Variants in SRGAP2 observed in about 807,000 individuals in gnomAD.
The protein encoded by SRGAP2 is SLIT-ROBO Rho GTPase activating protein 2, also known as SLIT-ROBO Rho GTPase-activating protein 2.
Under a neutral mutation model 57.2 loss-of-function variants are expected in SRGAP2, and 15 were observed. The ratio of observed to expected loss-of-function variants is 0.26; its 90% confidence interval spans 0.18 to 0.40. The LOEUF (loss-of-function observed/expected upper bound fraction) is 0.40, where lower values mean the gene tolerates loss of function less well. Among genes scored for constraint, SRGAP2 ranks in the 10% least tolerant of loss-of-function variants. The pLI is 1.00. For missense variants in SRGAP2, 520 were observed against 669.6 expected (o/e 0.78, Z 2.47); for synonymous variants, 249 against 248.0 (o/e 1.00, Z -0.04).
intron 3 of SRGAP2, among the ~76,000 whole-genome samples, chr1:206,325,234 C>T (rs1673789168): frequency 6.6e-6 from 1 of 152,094 alleles, no homozygotes; most frequent in Non-Finnish European, 1.5e-5. Context: ...TTTTATACTA[C>T]AAGCTGGAAT....
intron 2 of SRGAP2, among the ~76,000 whole-genome samples, chr1:206,229,931 T>TACACACACACACACACACACACACAC (rs66901207): frequency 1.2e-4 from 17 of 141,754 alleles, no homozygotes; most frequent in African/African-American, 4.5e-4. Context: ...TACACATACA[T>TACACACACACACACACACACACACAC]ACACACACAC....
intron 3 of SRGAP2, among the ~76,000 whole-genome samples, chr1:206,306,764 C>T (rs2102768239): frequency 6.6e-6 from 1 of 152,296 alleles, no homozygotes; most frequent in African/African-American, 2.4e-5. Context: ...TAAGGCCCCA[C>T]CAGAGCAGCT....
At position 206,458,681 on chromosome 1, in the gene SRGAP2, G is replaced by C. The variant is rs1553379304; in HGVS notation, c.2566G>C (p.Gly856Arg). Residue 856 changes from glycine to arginine, a missense_variant, in exon 22 of 23, where the codon GGG (glycine) becomes CGG (arginine). Around this residue, in one of 5 missense-constraint regions of SRGAP2, gnomAD observed 478 missense variants for 373.6 expected, o/e 1.28. Coordinates refer to ENST00000573034, the MANE Select transcript of SRGAP2 (RefSeq NM_015326.5). Reference sequence around the variant, plus strand: ...GAAAACTTTTCGGAGTGACAGCCATGGGCTGAGCAGTTCCCTGACTGACTC... The same window carrying C: ...GAAAACTTTTCGGAGTGACAGCCATCGGCTGAGCAGTTCCCTGACTGACTC... ...IRKTFRSDSH[G>R]LSSSLTDSSS... The C allele has an allele frequency of 1.3e-6, 1 of 778,536 alleles. No homozygotes were observed. Among genetic ancestry groups the C allele is most frequent in the Non-Finnish European group, 2.4e-6 (1 of 416,980 alleles). 48.2% of individuals were successfully genotyped at this position (778,536 alleles called of 1,614,324 possible).
At chr1:206,329,923 T>A (rs1674232287) in intron 3 of SRGAP2, among the ~76,000 whole-genome samples, 3 of 75,280 alleles carry the variant, frequency 4.0e-5, no homozygotes, top group Non-Finnish European at 5.3e-5. Flanking sequence ...GCCCATTCAG[T>A]ATGATATTGG....
At chr1:206,290,202 T>G (rs1671234271) in intron 2 of SRGAP2, among the ~76,000 whole-genome samples, 1 of 152,210 alleles carries the variant, frequency 6.6e-6, no homozygotes. Flanking sequence ...CATGACACTT[T>G]TCAGTTGTGT....
chr1:206,374,185 C>T (rs1327890290), intron 4 of SRGAP2, among the ~76,000 whole-genome samples: 1 of 151,370 alleles, frequency 6.6e-6, no homozygotes. Flanking sequence ...CCACTACGCC[C>T]GGCTAACTTT....
At chr1:206,415,033 A>C (rs1420456712) in intron 10 of SRGAP2, among the ~76,000 whole-genome samples, 1 of 152,150 alleles carries the variant, frequency 6.6e-6, no homozygotes, top group Non-Finnish European at 1.5e-5. Context: ...CCACTCACTA[A>C]CTGTTTGACC....
chr1:206,355,435 A>G (rs1168120652), intron 4 of SRGAP2, among the ~76,000 whole-genome samples: 4 of 151,962 alleles, frequency 2.6e-5, no homozygotes, highest in African/African-American at 9.7e-5. Flanking sequence ...TAGTCTACCG[A>G]TAGTGATGCT....
At chr1:206,266,474 C>G (rs1553314545) in intron 2 of SRGAP2, among the ~76,000 whole-genome samples, 1 of 151,940 alleles carries the variant, frequency 6.6e-6, no homozygotes, top group Non-Finnish European at 1.5e-5. Flanking sequence ...GACTCCTGAC[C>G]TCAGGTGATC....
intron 2 of SRGAP2, among the ~76,000 whole-genome samples, chr1:206,263,465 T>C (rs1459886721): frequency 1.3e-5 from 2 of 151,788 alleles, no homozygotes; most frequent in African/African-American, 2.4e-5. Flanking sequence ...ATGGTGAAAG[T>C]TTGTGAGCAG....
chr1:206,292,814 C>T (rs1671402135), intron 2 of SRGAP2, among the ~76,000 whole-genome samples: 3 of 151,110 alleles, frequency 2.0e-5, no homozygotes, highest in Admixed American at 2.0e-4. Context: ...TATTTCTAGA[C>T]TTGACCTCTC....
At chr1:206,310,138 A>G (rs1254760350) in intron 3 of SRGAP2, among the ~76,000 whole-genome samples, 6 of 151,796 alleles carry the variant, frequency 4.0e-5, no homozygotes, top group African/African-American at 1.2e-4. Flanking sequence ...GATGTTTTCA[A>G]TCTCTTAGGG....
intron 3 of SRGAP2, among the ~76,000 whole-genome samples, chr1:206,313,041 A>T (rs1474096832): frequency 1.3e-5 from 2 of 148,512 alleles, no homozygotes; most frequent in Non-Finnish European, 3.0e-5. Flanking sequence ...TTAATAGCTC[A>T]TTTTTTTAGG....
intron 2 of SRGAP2, among the ~76,000 whole-genome samples, chr1:206,263,333 T>C (rs1553314022): frequency 6.9e-6 from 1 of 145,666 alleles, no homozygotes; most frequent in Non-Finnish European, 1.5e-5. Context: ...CTTCCTTCCC[T>C]TTCAAGTTAG....
Position 206,257,339 on chromosome 1 carries a change from T to G in SRGAP2, c.68-45942T>G, listed in dbSNP as rs1425152496. Reference sequence around the variant, plus strand: ...ATTGTGCACCACTACACACTGCTATTTTTTTTTTTTTTTTTGAGATGGGGT... The same window carrying G: ...ATTGTGCACCACTACACACTGCTATGTTTTTTTTTTTTTTTGAGATGGGGT... On this transcript the variant is annotated intron_variant, in intron 2 of 22. Coordinates refer to ENST00000573034, the MANE Select transcript of SRGAP2 (RefSeq NM_015326.5). Among the ~76,000 whole-genome samples, 2 of 82,014 alleles carry G rather than the reference T, an allele frequency of 2.4e-5. 1 individual carries two copies. The highest frequency in any genetic ancestry group is 1.0e-4 in the African/African-American group (2 of 19,842). 53.8% of individuals were successfully genotyped at this position (82,014 alleles called of 152,430 possible).
intron 2 of SRGAP2, among the ~76,000 whole-genome samples, chr1:206,283,748 G>A (rs1348399266): frequency 6.9e-6 from 1 of 145,268 alleles, no homozygotes; most frequent in Non-Finnish European, 1.5e-5. Flanking sequence ...AAAAAATAAT[G>A]TCATTACTTT....
At chr1:206,292,165 G>A (rs1671365355) in intron 2 of SRGAP2, among the ~76,000 whole-genome samples, 1 of 152,184 alleles carries the variant, frequency 6.6e-6, no homozygotes, top group Admixed American at 6.5e-5. Context: ...ACTATGTGAA[G>A]CTACTGCATC....
chr1:206,314,511 G>T (rs1162162014), intron 3 of SRGAP2, among the ~76,000 whole-genome samples: 1 of 152,178 alleles, frequency 6.6e-6, no homozygotes, highest in Non-Finnish European at 1.5e-5. Context: ...TTTGGTTTTG[G>T]ATTTTAAGTT....
At position 206,314,063 on chromosome 1, in the gene SRGAP2, G is replaced by A. The variant is rs1277936033; in HGVS notation, c.260+10590G>A. Reference sequence around the variant, plus strand: ...GACTTGGGTGATTGATAAATTAATGGTATCTTTAAAAGAAATAGAGAGGGG... The same window carrying A: ...GACTTGGGTGATTGATAAATTAATGATATCTTTAAAAGAAATAGAGAGGGG... On this transcript the variant is annotated intron_variant, in intron 3 of 22. Transcript: ENST00000573034. Among the ~76,000 whole-genome samples the A allele has an allele frequency of 2.0e-5, 3 of 150,560 alleles. No homozygotes were observed. The East Asian group carries it at 5.9e-4, about 29-fold the overall frequency.
Sources: allele counts gnomAD v4.1 joint callset (sites outside exome capture counted in the v4.1 genomes callset), GRCh38; gene constraint gnomAD v4.1.1; regional missense constraint gnomAD v4.1.1; transcripts MANE v1.5; gene names NCBI Gene and HGNC (gene_info 2026-07-23, HGNC 2026-07-21).